MEGF11: variants seen among roughly 807,000 people sequenced by gnomAD.
MEGF11 encodes the protein multiple EGF like domains 11, also known as multiple epidermal growth factor-like domains protein 11.
A neutral mutation model predicts 146.6 loss-of-function variants in MEGF11; 126 were observed. The ratio of observed to expected loss-of-function variants is 0.86; its 90% confidence interval spans 0.74 to 1.00. The LOEUF is 1.00. MEGF11 is among the 50% of genes least tolerant of loss of function. MEGF11 has a pLI of 0.00. For missense variants in MEGF11, 1,509 were observed against 1,521.2 expected (o/e 0.99, Z 0.13); for synonymous variants, 532 against 583.4 (o/e 0.91, Z 1.27).
chr15:65,962,876 C>T (rs1567178378), intron 9 of MEGF11, among the ~76,000 whole-genome samples: 1 of 152,186 alleles, frequency 6.6e-6, no homozygotes, highest in Non-Finnish European at 1.5e-5. Flanking sequence ...CTGCTACTCC[C>T]TCCCAGTCCC....
In MEGF11 at chr15:65,897,224, A is replaced by C. The variant is rs892334506; in HGVS notation, c.*710T>G. On this transcript the variant is annotated 3_prime_UTR_variant, in exon 26 of 26. Coordinates refer to ENST00000395614, the MANE Select transcript of MEGF11 (RefSeq NM_001385028.1). The stretch of plus-strand genomic sequence containing the variant: ...TGGCAAAATTTGATAAAGCTGCCCT[A>C]GGAATCTTATTGTAGACTGAAAGAG... 5 of 152,238 alleles carry C rather than the reference A, an allele frequency of 3.3e-5. No individual in the cohort carries two copies. The highest frequency in any genetic ancestry group is 5.9e-5 in the Non-Finnish European group (4 of 68,026). 9.4% of individuals were successfully genotyped at this position (152,238 alleles called of 1,614,324 possible).
At chr15:66,224,141 C>T (rs1387831936) in intron 1 of MEGF11, among the ~76,000 whole-genome samples, 1 of 152,204 alleles carries the variant, frequency 6.6e-6, no homozygotes, top group African/African-American at 2.4e-5. Context: ...AATCCCAGCT[C>T]CGCCTATTAC....
intron 10 of MEGF11, among the ~76,000 whole-genome samples, chr15:65,943,734 A>G (rs2080089948): frequency 6.6e-6 from 1 of 152,186 alleles, no homozygotes; most frequent in East Asian, 1.9e-4. Context: ...TAGCATCTGC[A>G]TGTCAGACAT....
intron 1 of MEGF11, among the ~76,000 whole-genome samples, chr15:66,230,905 A>C (rs578108374): frequency 1.3e-5 from 2 of 152,336 alleles, no homozygotes; most frequent in East Asian, 1.9e-4. Context: ...CAAATCACTC[A>C]GTCTGTGTGG....
intron 21 of MEGF11, among the ~76,000 whole-genome samples, chr15:65,911,860 T>C (rs2078822240): frequency 6.6e-6 from 1 of 152,254 alleles, no homozygotes; most frequent in Non-Finnish European, 1.5e-5. Context: ...TGAGTGATGC[T>C]GTGGGTTGGT....
Position 65,896,234 on chromosome 15 carries a change from C to T in MEGF11, c.*1700G>A, listed in dbSNP as rs1262525596. 1 of 152,570 alleles carries T rather than the reference C, an allele frequency of 6.6e-6. No homozygotes were observed. Among genetic ancestry groups the T allele is most frequent in the Non-Finnish European group, 1.5e-5 (1 of 68,036 alleles). 9.5% of individuals were successfully genotyped at this position (152,570 alleles called of 1,614,324 possible). The stretch of plus-strand genomic sequence containing the variant: ...TTTTTGGAAAGTAAATTTACTATTG[C>T]TACTCAGTTGCTCCCATGCACACAT... On this transcript the variant is annotated 3_prime_UTR_variant, in exon 26 of 26. Transcript: ENST00000395614.
Position 65,897,897 on chromosome 15 carries a change from T to G in MEGF11, c.*37A>C, listed in dbSNP as rs1452626681. 1 of 1,588,886 alleles carries G rather than the reference T, an allele frequency of 6.3e-7. No homozygotes were observed. Among genetic ancestry groups the G allele is most frequent in the African/African-American group, 1.4e-5 (1 of 74,072 alleles). The stretch of plus-strand genomic sequence containing the variant: ...CTGTCTTCTTTCAGAGTCAGAATAT[T>G]CAGTAGAGCACACTGCAAGAGAGAA... On this transcript the variant is annotated 3_prime_UTR_variant, in exon 26 of 26. Transcript: ENST00000395614.
chr15:66,014,064 G>A (rs1415523760), intron 5 of MEGF11, among the ~76,000 whole-genome samples: 1 of 152,228 alleles, frequency 6.6e-6, no homozygotes, highest in Admixed American at 6.5e-5. Flanking sequence ...AGAGGCCAGA[G>A]GAAACACAGA....
At chr15:66,220,368 G>GA in intron 1 of MEGF11, among the ~76,000 whole-genome samples, 1 of 151,856 alleles carries the variant, frequency 6.6e-6, no homozygotes, top group Admixed American at 6.6e-5. Context: ...TACACTGAGT[G>GA]AAAAAAAGCC....
intron 1 of MEGF11, among the ~76,000 whole-genome samples, chr15:66,179,972 G>A (rs1429137720): frequency 6.6e-6 from 1 of 152,108 alleles, no homozygotes; most frequent in Non-Finnish European, 1.5e-5. Flanking sequence ...CGATAGCTGG[G>A]AGACCTATGA....
chr15:66,027,304 T>A (rs1567208160), intron 5 of MEGF11, among the ~76,000 whole-genome samples: 1 of 152,240 alleles, frequency 6.6e-6, no homozygotes, highest in Non-Finnish European at 1.5e-5. Context: ...CAGTAGCTCT[T>A]GTAAACAACT....
At chr15:65,985,976 A>G (rs2081842617) in intron 5 of MEGF11, among the ~76,000 whole-genome samples, 2 of 143,040 alleles carry the variant, frequency 1.4e-5, no homozygotes, top group Non-Finnish European at 3.1e-5. Context: ...TTTGAGACAG[A>G]GTTTTGTTCT....
At chr15:65,922,227 G>A in intron 15 of MEGF11, 111 bp downstream of exon 15, 2 of 1,356,314 alleles carry the variant, frequency 1.5e-6, no homozygotes, top group Non-Finnish European at 2.0e-6. Context: ...GAAGAGGGAA[G>A]GAGCTACCTC....
chr15:66,066,458 T>A (rs142680205), intron 5 of MEGF11, among the ~76,000 whole-genome samples: 34 of 152,240 alleles, frequency 2.2e-4, no homozygotes, highest in Non-Finnish European at 4.3e-4. Context: ...ATTTCAATGA[T>A]AATTTTAAAA....
Position 65,909,154 on chromosome 15 carries a change from G to T in MEGF11, c.2897-19C>A, listed in dbSNP as rs1273090863. The stretch of plus-strand genomic sequence containing the variant: ...TGGGAGTCTAGTGAGAGGAATGACA[G>T]GGAGGAGCCATTATTCCCAGGGCCC... On this transcript the variant is annotated intron_variant, in intron 22 of 25. Transcript: ENST00000395614. The T allele has an allele frequency of 4.0e-6, 6 of 1,481,656 alleles. No homozygotes were observed. Among genetic ancestry groups the T allele is most frequent in the Non-Finnish European group, 5.5e-6 (6 of 1,097,410 alleles). The allele number at this position is 1,481,656 out of a possible 1,614,324, so 91.8% of individuals were successfully genotyped here.
chr15:65,922,956 G>C lies in MEGF11; in HGVS notation c.1689C>G (p.Asp563Glu), dbSNP rs778417049. The change falls in exon 14 of 26, where the codon GAC becomes GAG. Residue 563 changes from aspartate (D) to glutamate (E), a missense_variant. By Grantham distance (45) the Asp-to-Glu change is conservative (BLOSUM62 2). Coordinates refer to ENST00000395614, the MANE Select transcript of MEGF11 (RefSeq NM_001385028.1). ...CCCAGCGGCCAGGTGGACACGTGCTGTCACAGCGGATGCCTGTGGGCCAGA... is the reference window on the plus strand; with the variant it reads ...CCCAGCGGCCAGGTGGACACGTGCTCTCACAGCGGATGCCTGTGGGCCAGA... ...CLAGWTGIRC[D>E]STCPPGRWGP... The C allele has an allele frequency of 1.9e-6, 3 of 1,612,728 alleles. No individual in the cohort carries two copies. The African/African-American group carries it at 4.0e-5, about 22-fold the overall frequency.
At chr15:66,154,094 A>C (rs991378854) in intron 1 of MEGF11, among the ~76,000 whole-genome samples, 6 of 151,900 alleles carry the variant, frequency 3.9e-5, no homozygotes, top group African/African-American at 9.7e-5. Context: ...AAAAACAAAC[A>C]AAAAAAACCC....
At chr15:65,948,409 T>TA (rs2080274703) in intron 10 of MEGF11, among the ~76,000 whole-genome samples, 1 of 152,200 alleles carries the variant, frequency 6.6e-6, no homozygotes, top group African/African-American at 2.4e-5. Context: ...TTTACAGCGT[T>TA]ACACCCTGCA....
chr15:66,121,766 T>C (rs2088036219), intron 3 of MEGF11, among the ~76,000 whole-genome samples: 1 of 152,208 alleles, frequency 6.6e-6, no homozygotes, highest in Non-Finnish European at 1.5e-5. Context: ...TTTATCCTTA[T>C]GGAGGACATA....
Sources: gnomAD v4.1 joint callset for allele counts (sites outside exome capture counted in the v4.1 genomes callset) on GRCh38, gnomAD v4.1.1 for gene constraint, MANE v1.5 for transcripts, NCBI Gene and HGNC (gene_info 2026-07-23, HGNC 2026-07-21) for gene names.